The following KCNH1 variants were observed in gnomAD, a reference collection of about 807,000 sequenced individuals.
The protein encoded by KCNH1 is potassium voltage-gated channel subfamily H member 1, also known as voltage-gated delayed rectifier potassium channel KCNH1.
Under a neutral mutation model 69.2 loss-of-function variants are expected in KCNH1, and 27 were observed. That is an observed-to-expected ratio of 0.39 (90% CI 0.29 to 0.54). The LOEUF is 0.54. Ranked by LOEUF, KCNH1 falls within the 20% of genes least tolerant of loss-of-function variation. The probability of loss-of-function intolerance (pLI) is 0.68; values close to 1 mark genes in which losing one functional copy is unlikely to be tolerated. For synonymous variants in KCNH1, 456 were observed against 487.7 expected, an observed-to-expected ratio of 0.93 and a Z score of 0.86; for missense variants, 798 against 1,261.6, an observed-to-expected ratio of 0.63 and a Z score of 5.57.
At chr1:210,999,342 A>T (rs1689121806) in intron 6 of KCNH1, among the ~76,000 whole-genome samples, 1 of 152,216 alleles carries the variant, frequency 6.6e-6, no homozygotes, top group South Asian at 2.1e-4. Context: ...ATCACCACCG[A>T]TCCCACAGAA....
chr1:210,795,147 G>GTTGT lies in KCNH1; in HGVS notation c.1915+2357_1915+2360dup, dbSNP rs71571968. On this transcript the variant is annotated intron_variant, in intron 9 of 10. Transcript: ENST00000271751. ...TGTTTTTGTTGTTGTTGTTGTTGTT[G>GTTGT]TTGTTTGTTTGTTTGTTTTGTGAGA... Among the ~76,000 whole-genome samples, 277 of 124,102 alleles carry GTTGT rather than the reference G, an allele frequency of 2.2e-3. 3 individuals are homozygous for GTTGT. Among genetic ancestry groups the GTTGT allele is most frequent in the African/African-American group, 7.4e-3 (276 of 37,380 alleles). 81.4% of individuals were successfully genotyped at this position (124,102 alleles called of 152,430 possible).
At chr1:210,762,943 T>C (rs1683551752) in intron 10 of KCNH1, among the ~76,000 whole-genome samples, 1 of 152,052 alleles carries the variant, frequency 6.6e-6, no homozygotes, top group South Asian at 2.1e-4. Context: ...CAGATCAATA[T>C]CTCTGATGAA....
intron 5 of KCNH1, among the ~76,000 whole-genome samples, chr1:211,059,785 A>G (rs770293708): frequency 1.8e-4 from 28 of 152,070 alleles, no homozygotes; most frequent in Non-Finnish European, 3.5e-4. Flanking sequence ...GAGATTCCCA[A>G]TACAATAATA....
chr1:210,932,317 ACTACC>A (rs1317416900), intron 6 of KCNH1, among the ~76,000 whole-genome samples: 1 of 152,168 alleles, frequency 6.6e-6, no homozygotes, highest in African/African-American at 2.4e-5. Flanking sequence ...GATGATAACT[ACTACC>A]ACAAAAACAT....
intron 7 of KCNH1, among the ~76,000 whole-genome samples, chr1:210,831,884 A>G (rs11119615): frequency 0.54 from 82,048 of 152,110 alleles, 23,426 homozygotes; most frequent in African/African-American, 0.74. Flanking sequence ...GATGTACTGT[A>G]TCTATGTGCT....
intron 5 of KCNH1, among the ~76,000 whole-genome samples, chr1:211,058,911 T>C (rs1200215952): frequency 6.6e-6 from 1 of 151,786 alleles, no homozygotes; most frequent in Non-Finnish European, 1.5e-5. Context: ...TCCATGCAAA[T>C]GGAAACTAAA....
rs536129978 is a variant in KCNH1, at chr1:210,902,532, T to C, written c.1462+17108A>G. Among the ~76,000 whole-genome samples the C allele has an allele frequency of 3.7e-4, 56 of 152,320 alleles. No individual in the cohort carries two copies. In the South Asian group the frequency reaches 4.1e-3, roughly 11 times the overall value. ...CTTCAGGAGATGTGCCCATTCATCA[T>C]TGCTGCCGGGCAGCCCGTCTGTTTC... On this transcript the variant is annotated intron_variant, in intron 7 of 10. Transcript: ENST00000271751.
At chr1:210,848,802 AT>A (rs909681234) in intron 7 of KCNH1, among the ~76,000 whole-genome samples, 1 of 151,836 alleles carries the variant, frequency 6.6e-6, no homozygotes, top group African/African-American at 2.4e-5. Flanking sequence ...CCCCATTTCA[AT>A]TTTTTTTCTA....
chr1:210,688,436 CCT>C (rs1439511170), intron 10 of KCNH1, among the ~76,000 whole-genome samples: 1 of 152,162 alleles, frequency 6.6e-6, no homozygotes, highest in African/African-American at 2.4e-5. Flanking sequence ...TAGCCATCCC[CCT>C]GTTTGTGAAG....
At chr1:211,090,142 G>T (rs1041482562) in intron 4 of KCNH1, among the ~76,000 whole-genome samples, 10 of 152,304 alleles carry the variant, frequency 6.6e-5, no homozygotes, top group African/African-American at 2.4e-4. Context: ...GCTAAAGTCC[G>T]CTTTAACAAT....
intron 6 of KCNH1, among the ~76,000 whole-genome samples, chr1:210,980,693 A>G (rs536920555): frequency 6.6e-6 from 1 of 152,302 alleles, no homozygotes; most frequent in South Asian, 2.1e-4. Context: ...TGAGAATAGT[A>G]TGAGCAGTAT....
intron 7 of KCNH1, among the ~76,000 whole-genome samples, chr1:210,833,879 T>C (rs1213270616): frequency 1.3e-5 from 2 of 152,264 alleles, no homozygotes; most frequent in Admixed American, 1.3e-4. Context: ...GTGAAGGACA[T>C]GAACAGACAC....
At chr1:211,009,495 A>C (rs983803234) in intron 6 of KCNH1, among the ~76,000 whole-genome samples, 1 of 152,216 alleles carries the variant, frequency 6.6e-6, no homozygotes, top group African/African-American at 2.4e-5. Flanking sequence ...AGAGGAAATG[A>C]ATTCAGCACA....
At chr1:211,064,234 T>C (rs1383566921) in intron 5 of KCNH1, among the ~76,000 whole-genome samples, 1 of 152,002 alleles carries the variant, frequency 6.6e-6, no homozygotes, top group Non-Finnish European at 1.5e-5. Context: ...CTTAGGAAAA[T>C]ATACCTATTA....
Position 210,919,536 on chromosome 1 carries a change from G to T in KCNH1, c.1462+104C>A. The T allele has an allele frequency of 8.9e-7, 1 of 1,124,652 alleles. No homozygotes were observed. The allele number at this position is 1,124,652 out of a possible 1,614,324, so 69.7% of individuals were successfully genotyped here. On this transcript the variant is annotated intron_variant, in intron 7 of 10. Coordinates refer to ENST00000271751, the MANE Select transcript of KCNH1 (RefSeq NM_172362.3). This position sits in a 1 kb window ranked among gnomAD's most constrained non-coding sequence, Gnocchi z 4.2. ...CCTAGTCTTAAAAAAACTCTTCCTT[G>T]TTTTAAGTTATTATTCTCCTGATCC... is the stretch of plus-strand genomic sequence containing the variant.
At chr1:210,708,693 A>G (rs1001621872) in intron 10 of KCNH1, among the ~76,000 whole-genome samples, 1 of 152,080 alleles carries the variant, frequency 6.6e-6, no homozygotes, top group African/African-American at 2.4e-5. Flanking sequence ...GGAAATAACT[A>G]GTAATTTTAA....
intron 7 of KCNH1, among the ~76,000 whole-genome samples, chr1:210,842,771 T>C (rs1685438280): frequency 6.6e-6 from 1 of 152,176 alleles, no homozygotes; most frequent in African/African-American, 2.4e-5. Context: ...TTTTTACCAC[T>C]GGCATTACTG....
chr1:210,751,381 A>G (rs1176454925), intron 10 of KCNH1, among the ~76,000 whole-genome samples: 3 of 152,220 alleles, frequency 2.0e-5, no homozygotes, highest in Non-Finnish European at 4.4e-5. Flanking sequence ...TAGTGGCTGT[A>G]TGACAAATGA....
intron 7 of KCNH1, among the ~76,000 whole-genome samples, chr1:210,862,974 C>G (rs1310075157): frequency 6.6e-6 from 1 of 152,104 alleles, no homozygotes; most frequent in Non-Finnish European, 1.5e-5. Flanking sequence ...TGTGATTTGC[C>G]CATTCTAGAA....
Sources: allele counts gnomAD v4.1 joint callset (sites outside exome capture counted in the v4.1 genomes callset), GRCh38; gene constraint gnomAD v4.1.1; non-coding constraint Gnocchi (gnomAD v3.1); transcripts MANE v1.5; gene names NCBI Gene and HGNC (gene_info 2026-07-23, HGNC 2026-07-21).